The following ARSB variants were observed in gnomAD, a reference collection of about 807,000 sequenced individuals.
The protein encoded by ARSB is arylsulfatase B.
Under a neutral mutation model 50.9 loss-of-function variants are expected in ARSB, and 41 were observed. The ratio of observed to expected loss-of-function variants is 0.81; its 90% CI spans 0.63 to 1.04. The LOEUF is 1.04. Ranked by LOEUF, ARSB falls within the 50% of genes least tolerant of loss-of-function variation. The pLI is 0.00. For missense variants in ARSB, 672 were observed against 693.3 expected (o/e 0.97, Z 0.35); for synonymous variants, 269 against 284.8 (o/e 0.94, Z 0.56).
chr5:78,781,020 C>T (rs149466690), intron 7 of ARSB, among the ~76,000 whole-genome samples: 209 of 152,292 alleles, frequency 1.4e-3, no homozygotes, highest in South Asian at 7.5e-3. Flanking sequence ...ATATTGCAAA[C>T]GCCAAAAATG....
chr5:78,797,140 A>T (rs1433363493), intron 6 of ARSB, among the ~76,000 whole-genome samples: 1 of 151,868 alleles, frequency 6.6e-6, no homozygotes, highest in East Asian at 1.9e-4. Context: ...GGCCTCCCAA[A>T]GTGCTGGGAT....
intron 5 of ARSB, among the ~76,000 whole-genome samples, chr5:78,863,410 T>C (rs1177996095): frequency 6.6e-6 from 1 of 152,114 alleles, no homozygotes; most frequent in Non-Finnish European, 1.5e-5. Context: ...ATATACACCA[T>C]GGAATACTGT....
chr5:78,884,843 T>A (rs1747933270), intron 5 of ARSB: 1 of 152,096 alleles, frequency 6.6e-6, no homozygotes, highest in African/African-American at 2.4e-5. Context: ...GGCATGTGCC[T>A]CCCAACCTTG....
At chr5:78,847,283 T>C (rs1157486148) in intron 5 of ARSB, among the ~76,000 whole-genome samples, 3 of 152,066 alleles carry the variant, frequency 2.0e-5, no homozygotes, top group Non-Finnish European at 4.4e-5. Flanking sequence ...CATGCCACCA[T>C]GCCTGGCTAA....
intron 5 of ARSB, among the ~76,000 whole-genome samples, chr5:78,870,280 T>C (rs1166089875): frequency 4.0e-5 from 4 of 100,192 alleles, no homozygotes; most frequent in Admixed American, 1.1e-4. Context: ...TTCCAATCAA[T>C]AGAAAAAGAG....
chr5:78,846,661 G>A (rs1160497230), intron 5 of ARSB, among the ~76,000 whole-genome samples: 1 of 152,088 alleles, frequency 6.6e-6, no homozygotes, highest in African/African-American at 2.4e-5. Flanking sequence ...AGAGCTTTTA[G>A]GGTTTTCTGT....
intron 1 of ARSB, among the ~76,000 whole-genome samples, chr5:78,972,745 C>T (rs1476815106): frequency 1.3e-5 from 2 of 152,170 alleles, no homozygotes. Context: ...AAAGCTCATC[C>T]ATCACATGCA....
chr5:78,789,401 T>C (rs1749178180), intron 6 of ARSB, among the ~76,000 whole-genome samples: 1 of 152,134 alleles, frequency 6.6e-6, no homozygotes, highest in African/African-American at 2.4e-5. Flanking sequence ...GAGAAGAGCA[T>C]GGGTAGAGAT....
At chr5:78,958,428 G>T (rs111670511) in intron 3 of ARSB, among the ~76,000 whole-genome samples, 2 of 151,980 alleles carry the variant, frequency 1.3e-5, no homozygotes, top group East Asian at 1.9e-4. Context: ...CTTGAACAAT[G>T]ACCAGGGAAA....
intron 4 of ARSB, among the ~76,000 whole-genome samples, chr5:78,926,705 C>T (rs913273704): frequency 6.6e-6 from 1 of 152,164 alleles, no homozygotes; most frequent in African/African-American, 2.4e-5. Flanking sequence ...CCAGCCTGAT[C>T]ATTGCAAGAG....
chr5:78,927,038 C>T (rs1259528406), intron 4 of ARSB, among the ~76,000 whole-genome samples: 1 of 152,170 alleles, frequency 6.6e-6, no homozygotes, highest in Non-Finnish European at 1.5e-5. Context: ...TGTGCCATCA[C>T]ACCCAGCTAA....
intron 6 of ARSB, among the ~76,000 whole-genome samples, chr5:78,800,245 GA>G (rs1743335419): frequency 6.6e-6 from 1 of 151,616 alleles, no homozygotes; most frequent in Non-Finnish European, 1.5e-5. Flanking sequence ...TTGAACCCAG[GA>G]GGCAGAGGTT....
intron 5 of ARSB, among the ~76,000 whole-genome samples, chr5:78,853,075 T>C (rs1035444937): frequency 1.3e-5 from 2 of 152,276 alleles, no homozygotes; most frequent in Non-Finnish European, 2.9e-5. Flanking sequence ...TAATTCTCCG[T>C]CCAGCTTTGT....
chr5:78,873,257 G>A (rs1747312755), intron 5 of ARSB, among the ~76,000 whole-genome samples: 1 of 151,966 alleles, frequency 6.6e-6, no homozygotes, highest in Non-Finnish European at 1.5e-5. Flanking sequence ...GGAAAAAAAG[G>A]ACAAAATCTT....
rs765737800 is a variant in ARSB at position 78,985,180 on chromosome 5, G to A, written c.69C>T (p.Val23=). 9 of 1,422,628 alleles carry A rather than the reference G, an allele frequency of 6.3e-6. No individual in the cohort carries two copies. The South Asian group carries it at 1.2e-4, about 19-fold the overall frequency. 88.1% of individuals were successfully genotyped at this position (1,422,628 alleles called of 1,614,324 possible). A position where few individuals can be genotyped will look rare whatever the true frequency, so the allele number is the denominator to read the frequency against. ...ACAACAGCAGCAGCAGCAGCGGGAG[G>A]ACGACGGGGAGGAGCAGCCGCCGAG... ...PGPRRLLLPV[V]LPLLLLLLLA... Residue 23 remains valine, a synonymous_variant, in exon 1 of 8, where the codon GTC becomes GTT. Transcript: ENST00000264914.
At chr5:78,815,700 T>C in intron 6 of ARSB, 3 of 1,047,630 alleles carry the variant, frequency 2.9e-6, no homozygotes, top group Non-Finnish European at 3.5e-6. Flanking sequence ...ATGTGCCATA[T>C]TACTGTAAGA....
chr5:78,977,550 G>A (rs142906168), intron 1 of ARSB, among the ~76,000 whole-genome samples: 11 of 152,220 alleles, frequency 7.2e-5, no homozygotes, highest in Middle Eastern at 3.4e-3. Context: ...GTACAGTGGC[G>A]TAACTTGCTG....
At chr5:78,907,988 G>A (rs1749142980) in intron 4 of ARSB, among the ~76,000 whole-genome samples, 1 of 152,112 alleles carries the variant, frequency 6.6e-6, no homozygotes, top group African/African-American at 2.4e-5. Context: ...TGGTAATCAG[G>A]GCATCAAGCA....
chr5:78,983,489 C>G (rs538655862), intron 1 of ARSB, among the ~76,000 whole-genome samples: 30 of 152,266 alleles, frequency 2.0e-4, no homozygotes, highest in Middle Eastern at 3.4e-3. Context: ...AATGCAGAAC[C>G]CTTTGGGCAA....
Sources: allele counts gnomAD v4.1 joint callset (sites outside exome capture counted in the v4.1 genomes callset), GRCh38; gene constraint gnomAD v4.1.1; transcripts MANE v1.5; gene names NCBI Gene and HGNC (gene_info 2026-07-23, HGNC 2026-07-21).